Variants in ABCA2 observed in about 807,000 individuals in gnomAD.
ABCA2 encodes the protein ATP binding cassette subfamily A member 2, also known as ATP-binding cassette sub-family A member 2.
In ABCA2, 84 loss-of-function variants were observed where a neutral mutation model predicts 262.8. That is an observed-to-expected ratio of 0.32 (90% CI 0.27 to 0.38). ABCA2 has a LOEUF of 0.38. Among genes scored for constraint, ABCA2 ranks in the 10% least tolerant of loss-of-function variants. The probability of loss-of-function intolerance (pLI) is 1.00; values close to 1 mark genes in which losing one functional copy is unlikely to be tolerated. For synonymous variants in ABCA2, 1,696 were observed against 1,502.9 expected (o/e 1.13, Z -2.97); for missense variants, 2,662 against 3,405.9 (o/e 0.78, Z 5.44).
chr9:137,013,658 G>A (rs1385043985), intron 28 of ABCA2, 95 bp from the exon 29 acceptor site: 19 of 1,393,670 alleles, frequency 1.4e-5, no homozygotes, highest in African/African-American at 4.2e-5. Context: ...AGGGATCCAC[G>A]CCTGGGGTCT....
rs755157879 is a variant in ABCA2, at chr9:137,020,757, C to A, written c.1202G>T (p.Gly401Val). Reference protein sequence around the residue: ...AALATPDTLQGQCSAFVQLWA... With the variant: ...AALATPDTLQVQCSAFVQLWA... ...GAGCTGTACGAAGGCTGAGCACTGG[C>A]CCTGCAGCGTGTCCGGGGTGGCCAG... Residue 401 changes from glycine (G) to valine (V), a missense_variant, in exon 9 of 49, where the codon GGC becomes GTC. Physicochemically the swap from Gly to Val is moderately radical, Grantham distance 109 (BLOSUM62 -3). Coordinates refer to ENST00000341511, the MANE Select transcript of ABCA2 (RefSeq NM_001606.5). 6.2e-7 allele frequency: 1 copy of A among 1,600,556 alleles called. No homozygotes were observed.
In ABCA2 at chr9:137,019,579, C is replaced by A. The variant is rs1229085982; in HGVS notation, c.1426-273G>T. 2.5e-6 allele frequency: 1 copy of A among 402,564 alleles called. No individual in the cohort carries two copies. 24.9% of individuals were successfully genotyped at this position (402,564 alleles called of 1,614,324 possible). ...CTGGGATTACAGGTGCCCACCACCA[C>A]GCCTGGCTAATTTTGTATTTTTGGT... On this transcript the variant is annotated intron_variant, in intron 10 of 48. Transcript: ENST00000341511. The surrounding 1 kb of genome is among the most constrained non-coding windows in gnomAD (Gnocchi z 4.4).
Position 137,015,106 on chromosome 9 carries a change from G to T in ABCA2, c.3698-9C>A. On this transcript the variant is annotated splice_polypyrimidine_tract_variant and intron_variant, in intron 24 of 48. Coordinates refer to ENST00000341511, the MANE Select transcript of ABCA2 (RefSeq NM_001606.5). ...GGATGCCAGCCCTGGCTCTGTGGGG[G>T]ACGTGGGAGCAGGAAGGAATTCACT... 6.4e-7 allele frequency: 1 copy of T among 1,568,782 alleles called. No individual in the cohort carries two copies. Among genetic ancestry groups the T allele is most frequent in the Non-Finnish European group, 8.6e-7 (1 of 1,160,206 alleles).
Position 137,023,065 on chromosome 9 carries a change from C to T in ABCA2, c.164-13G>A, listed in dbSNP as rs373781825. ...GCTGTGTAGAAGGCTGGCAGACCCA[C>T]GGGAGAGGGCAGGGTCGGGGGTGAA... On this transcript the variant is annotated splice_polypyrimidine_tract_variant and intron_variant, in intron 3 of 48. Coordinates refer to ENST00000341511, the MANE Select transcript of ABCA2 (RefSeq NM_001606.5). 16 of 1,558,952 alleles carry T rather than the reference C, an allele frequency of 1.0e-5. No individual in the cohort carries two copies. The highest frequency in any genetic ancestry group is 1.7e-4 in the Middle Eastern group (1 of 5,886).
At chr9:137,010,588 C>T (rs1435692078) in intron 40 of ABCA2, 32 bp downstream of exon 40, 1 of 1,206,098 alleles carries the variant, frequency 8.3e-7, no homozygotes, top group African/African-American at 1.5e-5. Context: ...GCCTACCCCA[C>T]CCAGGCCCCA....
At position 137,011,812 on chromosome 9, in the gene ABCA2, G is replaced by T. The variant is rs764850520; in HGVS notation, c.5535+32C>A. The stretch of plus-strand genomic sequence containing the variant: ...AGGGCGGGGATGGGGGATGAGAAGG[G>T]CCGGGGCACCCCATGGCCACGCCGG... On this transcript the variant is annotated intron_variant, in intron 35 of 48. Coordinates refer to ENST00000341511, the MANE Select transcript of ABCA2 (RefSeq NM_001606.5). This position sits in a 1 kb window ranked among gnomAD's most constrained non-coding sequence, Gnocchi z 8.8. 2 of 1,556,168 alleles carry T rather than the reference G, an allele frequency of 1.3e-6. No individual in the cohort carries two copies. Among genetic ancestry groups the T allele is most frequent in the Non-Finnish European group, 1.7e-6 (2 of 1,150,772 alleles).
At position 137,018,352 on chromosome 9, in the gene ABCA2, C is replaced by T; in HGVS notation, c.1820-1G>A. On this transcript the variant is annotated splice_acceptor_variant, in intron 13 of 48. Coordinates refer to ENST00000341511, the MANE Select transcript of ABCA2 (RefSeq NM_001606.5). LOFTEE classifies it high-confidence loss of function. ...TCCTTCCGGGTCTGGAAGATCACAC[C>T]TGGGGCCGGGAGGTTGGGGCGGGGC... 7.7e-7 allele frequency: 1 copy of T among 1,301,214 alleles called. No individual in the cohort carries two copies. The highest frequency in any genetic ancestry group is 5.1e-5 in the East Asian group (1 of 19,592). 80.6% of individuals were successfully genotyped at this position (1,301,214 alleles called of 1,614,324 possible). A position where few individuals can be genotyped will look rare whatever the true frequency, so the allele number is the denominator to read the frequency against.
rs575705160 is a variant in ABCA2 at position 137,015,315 on chromosome 9, G to A, written c.3697+99C>T. On this transcript the variant is annotated intron_variant, in intron 24 of 48. Transcript: ENST00000341511. ...CCCCAGCAGGCATCCTGGGCCCAGCGGGTGACGGTGAGGGCCCAGCCTCTC... is the reference window on the plus strand; with the variant it reads ...CCCCAGCAGGCATCCTGGGCCCAGCAGGTGACGGTGAGGGCCCAGCCTCTC... 290 of 1,385,418 alleles carry A rather than the reference G, an allele frequency of 2.1e-4. 2 individuals carry two copies. In the East Asian group the frequency reaches 6.5e-3, roughly 31 times the overall value. The allele number at this position is 1,385,418 out of a possible 1,614,324, so 85.8% of individuals were successfully genotyped here.
chr9:137,016,657 T>C lies in ABCA2; in HGVS notation c.2840A>G (p.Glu947Gly). The C allele has an allele frequency of 6.2e-7, 1 of 1,605,430 alleles. No individual in the cohort carries two copies. The highest frequency in any genetic ancestry group is 2.2e-5 in the East Asian group (1 of 44,786). The change falls in exon 20 of 49, where the codon GAG (glutamate) becomes GGG (glycine). Residue 947 changes from glutamate to glycine, a missense_variant. By Grantham distance (98) the Glu-to-Gly change is moderately conservative. Transcript: ENST00000341511. ...GGTGCGTGCCCACGGCCAGCTCCAC[T>C]CCCAGGCTTCTGTCCGCCCACTGCC... ...WLGSGRTEAW[E>G]WSWPWARTPR... is the part of the protein sequence containing the mutation.
chr9:137,023,840 A>G lies in ABCA2; in HGVS notation c.161T>C (p.Val54Ala), dbSNP rs1445887638. 1.2e-6 allele frequency: 1 copy of G among 809,850 alleles called. No homozygotes were observed. The highest frequency in any genetic ancestry group is 2.5e-5 in the East Asian group (1 of 40,606). The allele number at this position is 809,850 out of a possible 1,614,324, so 50.2% of individuals were successfully genotyped here. Residue 54 changes from valine to alanine, a missense_variant and splice_region_variant, in exon 3 of 49, where the codon GTC (valine) becomes GCC (alanine). Physicochemically the swap from Val to Ala is moderately conservative, Grantham distance 64 (BLOSUM62 0). This residue lies in a region of ABCA2 where 101 missense variants were observed against 152.3 expected (regional missense o/e 0.66). Coordinates refer to ENST00000341511, the MANE Select transcript of ABCA2 (RefSeq NM_001606.5). Reference sequence around the variant, plus strand: ...GGAGGAGGTGGCCGCTCACTTACAGACTGCATGCCAGCCGAGGACAAGAGA... The same window carrying G: ...GGAGGAGGTGGCCGCTCACTTACAGGCTGCATGCCAGCCGAGGACAAGAGA... ...QKKPTISVKEVSFYTAAPLTS... is the reference protein window; with the variant it reads ...QKKPTISVKEASFYTAAPLTS...
At chr9:137,023,559 C>A in intron 3 of ABCA2, 1 of 746,256 alleles carries the variant, frequency 1.3e-6, no homozygotes, top group Non-Finnish European at 2.5e-6. Context: ...GCCCAGAAGC[C>A]GAGGCACCCC....
At chr9:137,008,074 C>A in intron 48 of ABCA2, 110 bp from the exon 49 acceptor site, 1 of 1,359,220 alleles carries the variant, frequency 7.4e-7, no homozygotes, top group Non-Finnish European at 1.0e-6. Flanking sequence ...GGCCTGGACG[C>A]AGGGTCTCCC....
At chr9:137,023,933 G>T in intron 2 of ABCA2, 93 bp from the exon 3 acceptor site, 2 of 1,311,452 alleles carry the variant, frequency 1.5e-6, no homozygotes, top group East Asian at 2.5e-5. Flanking sequence ...TCACCAGGAA[G>T]AGGCGTTGGC....
At chr9:137,015,941 C>A in intron 22 of ABCA2, 21 bp downstream of exon 22, 4 of 490,344 alleles carry the variant, frequency 8.2e-6, no homozygotes, top group Admixed American at 5.5e-5. Flanking sequence ...ACCTGCCCCG[C>A]CCCCCGCCCA....
chr9:137,010,939 G>A lies in ABCA2; in HGVS notation c.6056+34C>T, dbSNP rs776055119. On this transcript the variant is annotated intron_variant, in intron 39 of 48. Coordinates refer to ENST00000341511, the MANE Select transcript of ABCA2 (RefSeq NM_001606.5). The stretch of plus-strand genomic sequence containing the variant: ...CACCCCCGAACCCATCCCTGCTCCC[G>A]CCCCGCCCCCGCCCCACCCCGCCCC... 25 of 316,670 alleles carry A rather than the reference G, an allele frequency of 7.9e-5. 1 individual carries two copies. The highest frequency in any genetic ancestry group is 9.2e-4 in the Middle Eastern group (1 of 1,092). The allele number at this position is 316,670 out of a possible 1,614,324, so 19.6% of individuals were successfully genotyped here. A position where few individuals can be genotyped will look rare whatever the true frequency, so the allele number is the denominator to read the frequency against.
rs567999230 is a variant in ABCA2 at position 137,014,550 on chromosome 9, G to T, written c.4003+140C>A. 119 of 1,462,562 alleles carry T rather than the reference G, an allele frequency of 8.1e-5. 1 individual carries two copies. Among genetic ancestry groups the T allele is most frequent in the Admixed American group, 3.5e-4 (16 of 46,040 alleles). The allele number at this position is 1,462,562 out of a possible 1,614,324, so 90.6% of individuals were successfully genotyped here. A position where few individuals can be genotyped will look rare whatever the true frequency, so the allele number is the denominator to read the frequency against. ...CCACCAGGACCACCCACCTAGGACC[G>T]CAGGCTAACCCCGGGGCGTCCCCTG... On this transcript the variant is annotated intron_variant, in intron 26 of 48. Transcript: ENST00000341511.
At position 137,021,695 on chromosome 9, in the gene ABCA2, C is replaced by T; in HGVS notation, c.679-85G>A. On this transcript the variant is annotated intron_variant, in intron 7 of 48. Transcript: ENST00000341511. The surrounding 1 kb of genome is among the most constrained non-coding windows in gnomAD (Gnocchi z 6.0). ...GCCTCAGGCCTCACCCTGCCCCACC[C>T]ACTGGCTGGCTCTGGGGCTGCCTGG... 2 of 1,423,014 alleles carry T rather than the reference C, an allele frequency of 1.4e-6. No homozygotes were observed. The highest frequency in any genetic ancestry group is 2.5e-5 in the East Asian group (1 of 40,028). 88.1% of individuals were successfully genotyped at this position (1,423,014 alleles called of 1,614,324 possible). A position where few individuals can be genotyped will look rare whatever the true frequency, so the allele number is the denominator to read the frequency against.
In ABCA2 at chr9:137,012,154, C is replaced by T. The variant is rs915319292; in HGVS notation, c.5308G>A (p.Val1770Ile). ...GTCTTATTCATGGGGTGGTTGGTGA[C>T]GGTGATGCCTGCACACGGCGGGGCG... Reference protein sequence around the residue: ...KGNPAAYGITVTNHPMNKTSA... With the variant: ...KGNPAAYGITITNHPMNKTSA... The change falls in exon 34 of 49, where the codon GTC (valine) becomes ATC (isoleucine). Residue 1770 changes from valine to isoleucine, a missense_variant. Val to Ile is a conservative substitution (Grantham distance 29). Transcript: ENST00000341511. The T allele has an allele frequency of 1.2e-5, 20 of 1,612,178 alleles. No individual in the cohort carries two copies. The highest frequency in any genetic ancestry group is 5.5e-5 in the South Asian group (5 of 91,064).
rs561819886 is a variant in ABCA2, at chr9:137,022,803, G to C, written c.338C>G (p.Ala113Gly). Residue 113 changes from alanine (A) to glycine (G), a missense_variant, in exon 5 of 49, where the codon GCG becomes GGG. Physicochemically the swap from Ala to Gly is moderately conservative, Grantham distance 60. Coordinates refer to ENST00000341511, the MANE Select transcript of ABCA2 (RefSeq NM_001606.5). ...VVEEGNLFDP[A>G]RPSLGSELEA... The stretch of plus-strand genomic sequence containing the variant: ...GAGCTCTGAGCCCAGGCTGGGCCGC[G>C]CTGGGTCAAACAGGTTGCCTTCCTC... 4 of 1,593,124 alleles carry C rather than the reference G, an allele frequency of 2.5e-6. No homozygotes were observed. Among genetic ancestry groups the C allele is most frequent in the Non-Finnish European group, 3.4e-6 (4 of 1,171,274 alleles).
Sources: gnomAD v4.1 joint callset for allele counts on GRCh38, gnomAD v4.1.1 for gene constraint, gnomAD v4.1.1 regional missense constraint, Gnocchi (gnomAD v3.1) non-coding constraint, MANE v1.5 for transcripts, NCBI Gene and HGNC (gene_info 2026-07-23, HGNC 2026-07-21) for gene names.